EIF2S3: variants seen among roughly 807,000 people sequenced by gnomAD.
EIF2S3 encodes the protein eukaryotic translation initiation factor 2 subunit 3.
In EIF2S3, 2 loss-of-function variants were observed where a neutral mutation model predicts 31.7. The ratio of observed to expected loss-of-function variants is 0.06; its 90% CI spans 0.03 to 0.20. The LOEUF (loss-of-function observed/expected upper bound fraction) is 0.20. Among genes scored for constraint, EIF2S3 ranks in the 10% least tolerant of loss-of-function variants. The probability of loss-of-function intolerance (pLI) is 1.00; values close to 1 mark genes in which losing one functional copy is unlikely to be tolerated. For synonymous variants in EIF2S3, 120 were observed against 126.7 expected (o/e 0.95, Z 0.36); for missense variants, 96 against 359.3 (o/e 0.27, Z 5.92).
At chrX:24,067,726 T>TA (rs1377284559) in intron 8 of EIF2S3, among the ~76,000 whole-genome samples, 1 of 108,888 alleles carries the variant, frequency 9.2e-6, no homozygotes, top group Non-Finnish European at 1.9e-5. Flanking sequence ...TAGCAGGGAT[T>TA]ACAGGTGCGT....
chrX:24,063,147 G>T (rs1930517882), intron 6 of EIF2S3, among the ~76,000 whole-genome samples: 1 of 112,210 alleles, frequency 8.9e-6, no homozygotes, highest in Non-Finnish European at 1.9e-5. Context: ...GGAGGCTGAG[G>T]CAGGAGAATC....
intron 5 of EIF2S3, among the ~76,000 whole-genome samples, chrX:24,060,843 C>T (rs926013187): frequency 6.7e-5 from 7 of 105,049 alleles, no homozygotes; most frequent in African/African-American, 2.4e-4. Context: ...TGCTTGTAAT[C>T]CCATCTACTC....
At chrX:24,068,780 A>G (rs1029975627) in intron 9 of EIF2S3, among the ~76,000 whole-genome samples, 1 of 111,529 alleles carries the variant, frequency 9.0e-6, no homozygotes, top group Non-Finnish European at 1.9e-5. Context: ...CAAATGGAAA[A>G]TTACCTACAA....
chrX:24,071,785 C>G (rs2035458451), intron 10 of EIF2S3, 58 bp downstream of exon 10: 1 of 1,110,196 alleles, frequency 9.0e-7, no homozygotes, highest in African/African-American at 1.8e-5. Flanking sequence ...GAGTGTTAAA[C>G]CAGTGTTGAG....
At chrX:24,057,924 A>G (rs1384886434) in intron 4 of EIF2S3, among the ~76,000 whole-genome samples, 170 bp downstream of exon 4, 3 of 112,714 alleles carry the variant, frequency 2.7e-5, no homozygotes, top group Non-Finnish European at 5.6e-5. Context: ...ATCTAAACCT[A>G]AGTTAAAATA....
At chrX:24,058,443 G>C (rs993826811) in intron 4 of EIF2S3, among the ~76,000 whole-genome samples, 22 of 110,972 alleles carry the variant, frequency 2.0e-4, no homozygotes, top group African/African-American at 6.9e-4. Flanking sequence ...CTTTTGCTTT[G>C]GCTCAGCATG....
intron 9 of EIF2S3, 127 bp downstream of exon 9, chrX:24,068,235 G>A: frequency 1.6e-6 from 1 of 633,721 alleles, no homozygotes; most frequent in Non-Finnish European, 2.3e-6. Flanking sequence ...GTAGGGTGGG[G>A]AACAATCATG....
At chrX:24,059,816 T>C (rs747855855) in intron 4 of EIF2S3, among the ~76,000 whole-genome samples, 19 of 112,194 alleles carry the variant, frequency 1.7e-4, no homozygotes, top group African/African-American at 5.8e-4. Context: ...TCTCAGTATA[T>C]ACTCTCCACC....
chrX:24,058,355 T>A lies in EIF2S3; in HGVS notation c.383+601T>A, dbSNP rs139349883. Among the ~76,000 whole-genome samples the A allele has an allele frequency of 5.6e-3, 623 of 111,184 alleles. 5 individuals carry two copies. The highest frequency in any genetic ancestry group is 0.02 in the African/African-American group (599 of 30,657). Reference sequence around the variant, plus strand: ...TAGGATAAATATTTTAATGCAGTGTTTTTTTTAAATTAATGCAAAAAATGT... The same window carrying A: ...TAGGATAAATATTTTAATGCAGTGTATTTTTTAAATTAATGCAAAAAATGT... On this transcript the variant is annotated intron_variant, in intron 4 of 11. Transcript: ENST00000253039.
intron 7 of EIF2S3, among the ~76,000 whole-genome samples, chrX:24,064,908 TC>T (rs1195060992): frequency 1.8e-5 from 2 of 112,102 alleles, no homozygotes; most frequent in Non-Finnish European, 3.8e-5. Flanking sequence ...TACAGTATTC[TC>T]CATGGAATCA....
intron 9 of EIF2S3, among the ~76,000 whole-genome samples, chrX:24,069,335 C>G (rs1248160203): frequency 1.9e-5 from 2 of 104,857 alleles, no homozygotes; most frequent in African/African-American, 7.0e-5. Flanking sequence ...CGAGATCACA[C>G]CAGTGCACTC....
chrX:24,065,688 C>T (rs1454124469), intron 7 of EIF2S3, among the ~76,000 whole-genome samples: 1 of 111,856 alleles, frequency 8.9e-6, no homozygotes. Flanking sequence ...ATTTTTATAA[C>T]TTTTCTTAAC....
At chrX:24,068,925 C>T (rs993253864) in intron 9 of EIF2S3, among the ~76,000 whole-genome samples, 1 of 110,863 alleles carries the variant, frequency 9.0e-6, no homozygotes, top group Admixed American at 9.7e-5. Flanking sequence ...TACTCAATAC[C>T]CAGAAAAATG....
intron 4 of EIF2S3, among the ~76,000 whole-genome samples, 157 bp from the exon 5 acceptor site, chrX:24,059,931 T>C (rs1930465914): frequency 1.8e-5 from 2 of 112,150 alleles, no homozygotes; most frequent in African/African-American, 6.5e-5. Context: ...TTTCATCAGC[T>C]GGTGAACTTA....
chrX:24,071,816 C>A (rs1408979026), intron 10 of EIF2S3, 89 bp downstream of exon 10: 7 of 941,422 alleles, frequency 7.4e-6, no homozygotes, highest in Non-Finnish European at 8.5e-6. Context: ...TTACAGTTAA[C>A]ATGAAATTAA....
chrX:24,066,015 G>A lies in EIF2S3; in HGVS notation c.790G>A (p.Val264Ile). Residue 264 changes from valine (V) to isoleucine (I), a missense_variant, in exon 8 of 12, where the codon GTC becomes ATC. By Grantham distance (29) the Val-to-Ile change is conservative. Coordinates refer to ENST00000253039, the MANE Select transcript of EIF2S3 (RefSeq NM_001415.4). ...PRLIVIRSFD[V>I]NKPGCEVDDL... The stretch of plus-strand genomic sequence containing the variant: ...TATTTTAGTTATTAGATCTTTTGAT[G>A]TCAACAAACCTGGCTGTGAAGTTGA... The A allele has an allele frequency of 8.3e-7, 1 of 1,202,622 alleles. No individual in the cohort carries two copies. The highest frequency in any genetic ancestry group is 1.1e-6 in the Non-Finnish European group (1 of 890,096).
rs753929500 is a variant in EIF2S3, at chrX:24,073,913, C to T, written c.1355+650C>T. On this transcript the variant is annotated intron_variant, in intron 11 of 11. Coordinates refer to ENST00000253039, the MANE Select transcript of EIF2S3 (RefSeq NM_001415.4). ...TTTCCTAGATTGACAAACACACATA[C>T]AGATTTATTTACATATATAAGTTTT... is the stretch of plus-strand genomic sequence containing the variant. 5.5e-3 allele frequency among the ~76,000 whole-genome samples: 614 copies of T among 112,124 alleles called. 1 individual carries two copies. Among genetic ancestry groups the T allele is most frequent in the Non-Finnish European group, 0.01 (546 of 53,197 alleles).
chrX:24,056,913 G>A (rs1930412402), intron 2 of EIF2S3, among the ~76,000 whole-genome samples: 1 of 112,432 alleles, frequency 8.9e-6, no homozygotes, highest in African/African-American at 3.2e-5. Context: ...TTTCTCTTAA[G>A]TCCTATATGA....
intron 10 of EIF2S3, among the ~76,000 whole-genome samples, chrX:24,072,886 A>AT (rs1930694186): frequency 8.9e-6 from 1 of 111,746 alleles, no homozygotes; most frequent in Non-Finnish European, 1.9e-5. Context: ...TTACTACCCT[A>AT]TTTTTTAAAG....
Sources: allele counts gnomAD v4.1 joint callset (sites outside exome capture counted in the v4.1 genomes callset), GRCh38; gene constraint gnomAD v4.1.1; transcripts MANE v1.5; gene names NCBI Gene and HGNC (gene_info 2026-07-23, HGNC 2026-07-21).